The following TENM3 variants were observed in gnomAD, a reference collection of about 807,000 sequenced individuals.
TENM3 encodes the protein teneurin-3.
Under a neutral mutation model 255.1 loss-of-function variants are expected in TENM3, and 63 were observed. That is an observed-to-expected ratio of 0.25 (90% CI 0.20 to 0.30). The LOEUF (loss-of-function observed/expected upper bound fraction) is 0.30, where lower values mean the gene tolerates loss of function less well. TENM3 is among the 10% of genes least tolerant of loss of function. The pLI is 1.00. For missense variants in TENM3, 2,929 were observed against 3,461.1 expected, an observed-to-expected ratio of 0.85 and a Z score of 3.86; for synonymous variants, 1,306 against 1,322.3, an observed-to-expected ratio of 0.99 and a Z score of 0.27.
the TENM3 span, among the ~76,000 whole-genome samples, chr4:181,858,140 C>T: frequency 6.6e-6 from 1 of 152,144 alleles, no homozygotes; most frequent in African/African-American, 2.4e-5. Context: ...ACTCCGTCAC[C>T]CAGGCTGGAG....
intron 5 of TENM3, among the ~76,000 whole-genome samples, chr4:182,637,321 G>GA (rs1467741892): frequency 6.6e-6 from 1 of 152,104 alleles, no homozygotes; most frequent in East Asian, 1.9e-4. Context: ...CATCATCTTA[G>GA]AATGTCTGCA....
At chr4:182,621,171 A>G (rs1441551190) in intron 4 of TENM3, among the ~76,000 whole-genome samples, 34 of 135,318 alleles carry the variant, frequency 2.5e-4, no homozygotes, top group Non-Finnish European at 3.5e-4. Flanking sequence ...ACAGAGCGAG[A>G]CTCCGTCTAA....
the TENM3 span, among the ~76,000 whole-genome samples, chr4:182,023,138 G>A: frequency 6.6e-5 from 10 of 152,182 alleles, no homozygotes; most frequent in Non-Finnish European, 1.2e-4. Flanking sequence ...ATGGCAGTTA[G>A]AGCATGGCAT....
chr4:181,756,055 G>C, the TENM3 span, among the ~76,000 whole-genome samples: 1 of 152,158 alleles, frequency 6.6e-6, no homozygotes, highest in Non-Finnish European at 1.5e-5. Flanking sequence ...CTCTGTGCTA[G>C]AGGAGTTGGC....
chr4:181,960,112 C>T, the TENM3 span, among the ~76,000 whole-genome samples: 10 of 152,172 alleles, frequency 6.6e-5, no homozygotes, highest in African/African-American at 2.4e-4. Context: ...TTATCATTGA[C>T]ATCTTTTAAA....
At chr4:181,641,771 T>TAC in the TENM3 span, among the ~76,000 whole-genome samples, 1 of 116,578 alleles carries the variant, frequency 8.6e-6, no homozygotes, top group African/African-American at 3.3e-5. Context: ...TATATATATA[T>TAC]ACATACACAC....
chr4:182,078,508 C>T, the TENM3 span, among the ~76,000 whole-genome samples: 59 of 152,116 alleles, frequency 3.9e-4, no homozygotes, highest in African/African-American at 1.2e-3. Context: ...GACAACAGAG[C>T]GAGACTCTGC....
chr4:182,576,064 A>G (rs1744880557), intron 3 of TENM3, among the ~76,000 whole-genome samples: 2 of 152,214 alleles, frequency 1.3e-5, no homozygotes, highest in South Asian at 4.2e-4. Flanking sequence ...CTTACTTTAG[A>G]CAATGTTAAG....
At chr4:181,576,207 T>C in the TENM3 span, among the ~76,000 whole-genome samples, 5 of 152,358 alleles carry the variant, frequency 3.3e-5, no homozygotes, top group African/African-American at 9.6e-5. Flanking sequence ...ATGCAGTCTG[T>C]CTATTTCTGA....
At chr4:182,458,455 A>C (rs542059473) in intron 3 of TENM3, among the ~76,000 whole-genome samples, 1 of 152,296 alleles carries the variant, frequency 6.6e-6, no homozygotes, top group East Asian at 1.9e-4. Context: ...AAGTTGAGTA[A>C]ATTAGCAAAC....
the TENM3 span, among the ~76,000 whole-genome samples, chr4:181,665,710 G>T: frequency 2.6e-5 from 4 of 151,722 alleles, no homozygotes; most frequent in Non-Finnish European, 5.9e-5. Flanking sequence ...ACCCTGTTCT[G>T]CATAGAGACA....
chr4:181,734,261 C>A, the TENM3 span, among the ~76,000 whole-genome samples: 12 of 151,594 alleles, frequency 7.9e-5, no homozygotes, highest in African/African-American at 2.9e-4. Flanking sequence ...ATATATATAT[C>A]TACTAAAATA....
At chr4:181,675,335 G>T in the TENM3 span, among the ~76,000 whole-genome samples, 4 of 151,908 alleles carry the variant, frequency 2.6e-5, no homozygotes, top group Non-Finnish European at 5.9e-5. Flanking sequence ...GTGGCTTCTA[G>T]GTAGTAATAA....
the TENM3 span, among the ~76,000 whole-genome samples, chr4:181,845,891 C>G: frequency 6.6e-6 from 1 of 152,198 alleles, no homozygotes; most frequent in Admixed American, 6.5e-5. Flanking sequence ...AAGGATTATT[C>G]AGTGGCTTGA....
At chr4:182,229,770 T>C (rs1480693593) in intron 1 of TENM3, among the ~76,000 whole-genome samples, 1 of 152,192 alleles carries the variant, frequency 6.6e-6, no homozygotes, top group Non-Finnish European at 1.5e-5. Context: ...TAATTTCCAT[T>C]TCTCTTGTGA....
chr4:182,317,555 GC>G (rs1762821875), intron 1 of TENM3, among the ~76,000 whole-genome samples: 1 of 152,016 alleles, frequency 6.6e-6, no homozygotes, highest in South Asian at 2.1e-4. Flanking sequence ...CAATGTTCCT[GC>G]TTTGGCCTCC....
At chr4:182,478,305 A>G (rs763717784) in intron 3 of TENM3, among the ~76,000 whole-genome samples, 1 of 152,068 alleles carries the variant, frequency 6.6e-6, no homozygotes, top group Non-Finnish European at 1.5e-5. Flanking sequence ...AAATTTATTG[A>G]CTATTTTATT....
intron 1 of TENM3, among the ~76,000 whole-genome samples, chr4:182,203,618 C>G (rs754660873): frequency 7.2e-5 from 11 of 152,160 alleles, no homozygotes; most frequent in Non-Finnish European, 1.6e-4. Context: ...CCCTTTCCCC[C>G]GCTTTGCTGG....
At chr4:182,332,402 A>G (rs1025663504) in intron 2 of TENM3, among the ~76,000 whole-genome samples, 5 of 152,142 alleles carry the variant, frequency 3.3e-5, no homozygotes, top group African/African-American at 7.2e-5. Flanking sequence ...TATTTAAGAA[A>G]TGAGTTCAAG....
Sources: gnomAD v4.1 joint callset for allele counts (sites outside exome capture counted in the v4.1 genomes callset) on GRCh38, gnomAD v4.1.1 for gene constraint, MANE v1.5 for transcripts, NCBI Gene and HGNC (gene_info 2026-07-23, HGNC 2026-07-21) for gene names.